Variants in GRM8 observed in about 807,000 individuals in gnomAD.
GRM8 encodes glutamate metabotropic receptor 8.
GRM8 carries 47 observed loss-of-function variants against 87.2 expected under a neutral mutation model. The observed-to-expected ratio is 0.54, with a 90% CI of 0.43 to 0.69. GRM8 has a LOEUF of 0.69. Ranked by LOEUF, GRM8 falls within the 30% of genes least tolerant of loss-of-function variation. GRM8 has a pLI of 0.00. For missense variants in GRM8, 1,019 were observed against 1,139.2 expected (o/e 0.89, Z 1.52); for synonymous variants, 396 against 404.5 (o/e 0.98, Z 0.25).
At chr7:126,766,877 G>A (rs1260373886) in intron 7 of GRM8, among the ~76,000 whole-genome samples, 6 of 152,108 alleles carry the variant, frequency 3.9e-5, no homozygotes, top group African/African-American at 7.2e-5. Flanking sequence ...ACATAACATA[G>A]CTGTTTTCTA....
At chr7:126,575,516 C>T (rs1427831618) in intron 8 of GRM8, among the ~76,000 whole-genome samples, 2 of 151,982 alleles carry the variant, frequency 1.3e-5, no homozygotes, top group African/African-American at 4.8e-5. Context: ...AAACTGTCTT[C>T]TATGAAACCA....
chr7:127,230,651 T>C (rs757898278), intron 2 of GRM8, among the ~76,000 whole-genome samples: 1 of 152,160 alleles, frequency 6.6e-6, no homozygotes, highest in African/African-American at 2.4e-5. Flanking sequence ...GTGGAGCCCT[T>C]GTAAGCGCCC....
intron 7 of GRM8, among the ~76,000 whole-genome samples, chr7:126,678,316 G>C (rs140833310): frequency 6.6e-6 from 1 of 152,138 alleles, no homozygotes; most frequent in Admixed American, 6.6e-5. Flanking sequence ...ATATAGACTA[G>C]TGTTCTTGAT....
rs746836819 is a variant in GRM8 at position 126,748,599 on chromosome 7, C to A, written c.1357+21266G>T. ...AATACCAACTAAAATCAGAGCAGGTCGGGTTTTTTTTTTTTTTTTTTTTTG... is the reference window on the plus strand; with the variant it reads ...AATACCAACTAAAATCAGAGCAGGTAGGGTTTTTTTTTTTTTTTTTTTTTG... On this transcript the variant is annotated intron_variant, in intron 7 of 10. Transcript: ENST00000339582. Among the ~76,000 whole-genome samples, 9 of 127,520 alleles carry A rather than the reference C, an allele frequency of 7.1e-5. No homozygotes were observed. The East Asian group carries it at 2.1e-3, about 30-fold the overall frequency. The allele number at this position is 127,520 out of a possible 152,430, so 83.7% of individuals were successfully genotyped here.
chr7:127,075,993 T>C (rs763677972), intron 3 of GRM8: 29 of 363,958 alleles, frequency 8.0e-5, no homozygotes, highest in Non-Finnish European at 1.5e-4. Flanking sequence ...TGAATTGAAT[T>C]GTATGCTGGC....
At chr7:126,983,045 C>T (rs1048614810) in intron 3 of GRM8, among the ~76,000 whole-genome samples, 3 of 152,150 alleles carry the variant, frequency 2.0e-5, no homozygotes, top group African/African-American at 7.2e-5. Flanking sequence ...GGGTCAATCA[C>T]CCCAGACAGC....
chr7:126,940,779 C>T (rs935251560), intron 3 of GRM8, among the ~76,000 whole-genome samples: 7 of 152,172 alleles, frequency 4.6e-5, no homozygotes, highest in Admixed American at 1.3e-4. Context: ...GTTGTTCCTT[C>T]TCTTCCTTTG....
intron 3 of GRM8, among the ~76,000 whole-genome samples, chr7:126,999,892 C>A (rs1813552832): frequency 6.6e-6 from 1 of 151,734 alleles, no homozygotes; most frequent in Non-Finnish European, 1.5e-5. Context: ...TGGGTATATA[C>A]CCAAAAGAAA....
intron 8 of GRM8, among the ~76,000 whole-genome samples, chr7:126,566,043 G>A (rs1210348714): frequency 1.3e-5 from 2 of 152,068 alleles, no homozygotes; most frequent in African/African-American, 4.8e-5. Flanking sequence ...AGTCAAAATG[G>A]ATTAAAGAAC....
At chr7:126,616,380 G>GT (rs1351559540) in intron 7 of GRM8, among the ~76,000 whole-genome samples, 1 of 152,192 alleles carries the variant, frequency 6.6e-6, no homozygotes. Flanking sequence ...AAAGCAGTGT[G>GT]TAGAGGGAAA....
intron 7 of GRM8, among the ~76,000 whole-genome samples, chr7:126,665,439 T>C (rs1563073036): frequency 6.6e-6 from 1 of 152,194 alleles, no homozygotes; most frequent in East Asian, 1.9e-4. Flanking sequence ...AATGAAGTCA[T>C]GTCCTTTGCA....
chr7:126,735,444 T>C, intron 7 of GRM8, among the ~76,000 whole-genome samples: 1 of 152,014 alleles, frequency 6.6e-6, no homozygotes, highest in East Asian at 1.9e-4. Context: ...ACACCCAGTT[T>C]TGGTGAATGT....
At chr7:127,134,633 C>G (rs1827856169) in intron 2 of GRM8, among the ~76,000 whole-genome samples, 1 of 152,064 alleles carries the variant, frequency 6.6e-6, no homozygotes, top group Non-Finnish European at 1.5e-5. Flanking sequence ...AATTAAAATG[C>G]AACATTGTTC....
intron 6 of GRM8, among the ~76,000 whole-genome samples, chr7:126,828,204 T>C (rs1022462065): frequency 2.6e-5 from 4 of 152,192 alleles, no homozygotes; most frequent in African/African-American, 7.2e-5. Context: ...CCGGCTTTGG[T>C]ATCAGGATGA....
At chr7:126,873,662 T>C (rs1799294577) in intron 6 of GRM8, among the ~76,000 whole-genome samples, 1 of 152,116 alleles carries the variant, frequency 6.6e-6, no homozygotes, top group Admixed American at 6.6e-5. Flanking sequence ...TAACTGGATG[T>C]AATTGAGGGT....
chr7:126,686,680 A>G (rs1196315795), intron 7 of GRM8, among the ~76,000 whole-genome samples: 1 of 151,796 alleles, frequency 6.6e-6, no homozygotes, highest in Non-Finnish European at 1.5e-5. Context: ...ACTCACTCAC[A>G]CTCACCACTC....
intron 3 of GRM8, among the ~76,000 whole-genome samples, chr7:126,935,221 C>T (rs1806185449): frequency 6.6e-6 from 1 of 152,130 alleles, no homozygotes; most frequent in African/African-American, 2.4e-5. Context: ...AGAGAGGCAT[C>T]ATGTTTGTGT....
chr7:126,830,280 T>C (rs1344384897), intron 6 of GRM8, among the ~76,000 whole-genome samples: 3 of 152,238 alleles, frequency 2.0e-5, no homozygotes, highest in Non-Finnish European at 4.4e-5. Flanking sequence ...TTCTCCTGGA[T>C]AATATCCTGC....
chr7:127,231,516 C>T (rs768648177), intron 2 of GRM8, among the ~76,000 whole-genome samples: 4 of 152,144 alleles, frequency 2.6e-5, no homozygotes, highest in Admixed American at 6.5e-5. Context: ...ACATTTAGTT[C>T]CACTGTTTTT....
Sources: gnomAD v4.1 joint callset for allele counts (sites outside exome capture counted in the v4.1 genomes callset) on GRCh38, gnomAD v4.1.1 for gene constraint, MANE v1.5 for transcripts, NCBI Gene and HGNC (gene_info 2026-07-23, HGNC 2026-07-21) for gene names.